SLC10A7: variants seen among roughly 807,000 people sequenced by gnomAD.
SLC10A7 encodes sodium/bile acid cotransporter 7.
A neutral mutation model predicts 43.2 loss-of-function variants in SLC10A7; 29 were observed. The observed-to-expected ratio is 0.67, with a 90% CI of 0.50 to 0.92. The LOEUF is 0.92. SLC10A7 is among the 40% of genes least tolerant of loss of function. The probability of loss-of-function intolerance (pLI) is 0.00; values close to 1 mark genes in which losing one functional copy is unlikely to be tolerated. For synonymous variants in SLC10A7, 152 were observed against 144.8 expected (o/e 1.05, Z -0.35); for missense variants, 295 against 403.2 (o/e 0.73, Z 2.30).
intron 4 of SLC10A7, among the ~76,000 whole-genome samples, chr4:146,445,978 A>C (rs1209076254): frequency 1.3e-5 from 2 of 151,950 alleles, no homozygotes; most frequent in Non-Finnish European, 2.9e-5. Context: ...TCATGGGCAC[A>C]GGATAGGGGG....
chr4:146,272,031 C>A (rs901246518), intron 10 of SLC10A7, among the ~76,000 whole-genome samples: 1 of 152,108 alleles, frequency 6.6e-6, no homozygotes, highest in African/African-American at 2.4e-5. Flanking sequence ...TCTGCTTATT[C>A]CCACTAGAAA....
intron 5 of SLC10A7, among the ~76,000 whole-genome samples, chr4:146,379,787 C>A (rs979024829): frequency 2.0e-5 from 3 of 152,170 alleles, no homozygotes; most frequent in Admixed American, 1.3e-4. Flanking sequence ...GATCATCCCA[C>A]TATTGAGTAT....
chr4:146,418,561 T>TA (rs1009306807), intron 5 of SLC10A7, among the ~76,000 whole-genome samples: 13 of 152,164 alleles, frequency 8.5e-5, no homozygotes, highest in African/African-American at 2.4e-5. Context: ...AGATTTTTTT[T>TA]AAAAAAGAAT....
At chr4:146,438,886 TGAG>T (rs1730399547) in intron 5 of SLC10A7, among the ~76,000 whole-genome samples, 1 of 152,062 alleles carries the variant, frequency 6.6e-6, no homozygotes, top group Admixed American at 6.5e-5. Flanking sequence ...AACCTTTTGA[TGAG>T]GAGCAACATG....
rs145454109 is a variant in SLC10A7 at position 146,442,810 on chromosome 4, T to C, written c.408A>G (p.Ile136Met). 3.1e-5 allele frequency: 49 copies of C among 1,593,764 alleles called. No individual in the cohort carries two copies. In the African/African-American group the frequency reaches 6.2e-4, roughly 20 times the overall value. ...AAAAACTTCCAAAGGCTGAATTAAA[T>C]ATTGCAGCTGCCTATGAAGAAAATA... is the stretch of plus-strand genomic sequence containing the variant. ...KAVGGNEAAA[I>M]FNSAFGSFLG... Residue 136 changes from isoleucine (I) to methionine (M), a missense_variant, in exon 5 of 12, where the codon ATA becomes ATG. Physicochemically the swap from Ile to Met is conservative, Grantham distance 10 (BLOSUM62 1). This residue lies in a region of SLC10A7 where 242 missense variants were observed against 362.5 expected (regional missense o/e 0.67). Coordinates refer to ENST00000335472, the MANE Select transcript of SLC10A7 (RefSeq NM_001029998.6).
intron 5 of SLC10A7, among the ~76,000 whole-genome samples, chr4:146,362,511 T>C (rs2149765683): frequency 6.6e-6 from 1 of 152,082 alleles, no homozygotes; most frequent in African/African-American, 2.4e-5. Flanking sequence ...AAATTATCTT[T>C]CAAACATGAA....
chr4:146,294,673 A>C (rs1479620029), intron 7 of SLC10A7, among the ~76,000 whole-genome samples: 1 of 152,244 alleles, frequency 6.6e-6, no homozygotes, highest in Admixed American at 6.5e-5. Context: ...CTGAATATCT[A>C]GAGTTTTTGT....
At chr4:146,445,971 T>G (rs1376477971) in intron 4 of SLC10A7, among the ~76,000 whole-genome samples, 1 of 151,802 alleles carries the variant, frequency 6.6e-6, no homozygotes, top group Non-Finnish European at 1.5e-5. Context: ...GCAGTTCTCA[T>G]GGGCACAGGA....
chr4:146,491,470 A>C (rs1391528144), intron 4 of SLC10A7, among the ~76,000 whole-genome samples: 1 of 152,102 alleles, frequency 6.6e-6, no homozygotes, highest in East Asian at 1.9e-4. Context: ...TTTAGTGAAT[A>C]ATGATTGGCA....
chr4:146,400,585 G>A (rs1405515543), intron 5 of SLC10A7, among the ~76,000 whole-genome samples: 1 of 152,104 alleles, frequency 6.6e-6, no homozygotes. Context: ...CACTGTGGTA[G>A]TAATTAGAAT....
Position 146,468,500 on chromosome 4 carries a change from C to T in SLC10A7, c.397-25679G>A, listed in dbSNP as rs545041977. Among the ~76,000 whole-genome samples, 10 of 143,108 alleles carry T rather than the reference C, an allele frequency of 7.0e-5. No homozygotes were observed. The East Asian group carries it at 1.5e-3, about 22-fold the overall frequency. 93.9% of individuals were successfully genotyped at this position (143,108 alleles called of 152,430 possible). On this transcript the variant is annotated intron_variant, in intron 4 of 11. Transcript: ENST00000335472. ...TTTTTTTTTTTTTGAGATGGAGTCT[C>T]GCTCTGTTGCCCAGGCTGGAGTGCA...
At chr4:146,270,614 C>G (rs981591360) in intron 10 of SLC10A7, among the ~76,000 whole-genome samples, 10 of 152,104 alleles carry the variant, frequency 6.6e-5, no homozygotes, top group African/African-American at 2.4e-4. Flanking sequence ...GGCACAGCTC[C>G]CAGGTGATTC....
At chr4:146,268,755 A>G (rs1179183329) in intron 10 of SLC10A7, among the ~76,000 whole-genome samples, 1 of 152,208 alleles carries the variant, frequency 6.6e-6, no homozygotes, top group Non-Finnish European at 1.5e-5. Context: ...GCATCAGGAC[A>G]TAGCTGGGGT....
At chr4:146,446,342 C>T (rs752049052) in intron 4 of SLC10A7, among the ~76,000 whole-genome samples, 5 of 151,916 alleles carry the variant, frequency 3.3e-5, no homozygotes, top group South Asian at 2.1e-4. Flanking sequence ...TTTGGGAGGC[C>T]GAGGTGGGCA....
intron 4 of SLC10A7, among the ~76,000 whole-genome samples, chr4:146,446,180 C>T (rs1476960602): frequency 6.6e-6 from 1 of 151,574 alleles, no homozygotes; most frequent in East Asian, 2.0e-4. Context: ...GCACACACAC[C>T]TTAGCATACA....
At chr4:146,257,040 GA>G (rs1727929603) in intron 11 of SLC10A7, 1 of 772,394 alleles carries the variant, frequency 1.3e-6, no homozygotes, top group Admixed American at 2.5e-5. Context: ...ATGTTTGGAA[GA>G]AAAATTCACT....
chr4:146,286,816 C>CCA (rs1338081872), intron 9 of SLC10A7, among the ~76,000 whole-genome samples: 936 of 10,030 alleles, frequency 0.093, no homozygotes, highest in African/African-American at 0.26. Flanking sequence ...GTGAGAAGGA[C>CCA]TGTTTGGAGT....
intron 5 of SLC10A7, among the ~76,000 whole-genome samples, chr4:146,440,687 T>C (rs1446796423): frequency 2.0e-5 from 3 of 152,212 alleles, no homozygotes; most frequent in Non-Finnish European, 2.9e-5. Context: ...AAAAAAGATA[T>C]AGAATTATTT....
At position 146,256,301 on chromosome 4, in the gene SLC10A7, T is replaced by TC; in HGVS notation, c.*189dup. 1 of 607,566 alleles carries TC rather than the reference T, an allele frequency of 1.6e-6. No individual in the cohort carries two copies. The highest frequency in any genetic ancestry group is 2.9e-6 in the Non-Finnish European group (1 of 345,636). 37.6% of individuals were successfully genotyped at this position (607,566 alleles called of 1,614,324 possible). ...AATATTGTACCACCCCTGGCAGTAA[T>TC]CAACAAAGCATATTTTGGAAATAAC... On this transcript the variant is annotated 3_prime_UTR_variant, in exon 12 of 12. Transcript: ENST00000335472.
Sources: allele counts gnomAD v4.1 joint callset (sites outside exome capture counted in the v4.1 genomes callset), GRCh38; gene constraint gnomAD v4.1.1; regional missense constraint gnomAD v4.1.1; transcripts MANE v1.5; gene names NCBI Gene and HGNC (gene_info 2026-07-23, HGNC 2026-07-21).